Variants in POLA1 observed in about 807,000 individuals in gnomAD.
POLA1 encodes the protein DNA polymerase alpha catalytic subunit.
A neutral mutation model predicts 124.0 loss-of-function variants in POLA1; 15 were observed. The observed-to-expected ratio is 0.12, with a 90% CI of 0.08 to 0.19. The LOEUF (loss-of-function observed/expected upper bound fraction) is 0.19, where lower values mean the gene tolerates loss of function less well. POLA1 is among the 10% of genes least tolerant of loss of function. POLA1 has a pLI of 1.00. For missense variants in POLA1, 886 were observed against 1,103.4 expected (o/e 0.80, Z 2.79); for synonymous variants, 408 against 389.4 (o/e 1.05, Z -0.56).
intron 26 of POLA1, among the ~76,000 whole-genome samples, chrX:24,792,158 C>G (rs1017890383): frequency 1.8e-5 from 2 of 111,595 alleles, no homozygotes; most frequent in Non-Finnish European, 3.8e-5. Context: ...CAGAGTAAGA[C>G]TGTGGTCATT....
At chrX:24,884,818 A>G (rs889606478) in intron 34 of POLA1, among the ~76,000 whole-genome samples, 1 of 112,428 alleles carries the variant, frequency 8.9e-6, no homozygotes, top group African/African-American at 3.2e-5. Context: ...ACAAACCCAA[A>G]TAAGCACTGA....
At chrX:24,970,956 C>T (rs898508981) in intron 36 of POLA1, among the ~76,000 whole-genome samples, 8 of 112,465 alleles carry the variant, frequency 7.1e-5, no homozygotes, top group African/African-American at 2.3e-4. Context: ...CTAATTTGAG[C>T]TTCACACGCA....
chrX:24,709,175 G>A (rs1202864206), intron 4 of POLA1, among the ~76,000 whole-genome samples: 2 of 83,478 alleles, frequency 2.4e-5, no homozygotes, highest in South Asian at 6.1e-4. Context: ...CGGACGGGGC[G>A]GCTGGCCGGG....
At chrX:24,729,555 C>G (rs1930761901) in intron 15 of POLA1, among the ~76,000 whole-genome samples, 1 of 111,500 alleles carries the variant, frequency 9.0e-6, no homozygotes, top group South Asian at 3.7e-4. Flanking sequence ...TTTGGTTATG[C>G]CATAATGGTT....
intron 15 of POLA1, among the ~76,000 whole-genome samples, chrX:24,731,215 C>T (rs973387826): frequency 1.8e-5 from 2 of 111,724 alleles, no homozygotes; most frequent in African/African-American, 3.3e-5. Flanking sequence ...GACAGAAAAA[C>T]AAGTTAAGTG....
At chrX:24,965,027 G>A (rs780108312) in intron 36 of POLA1, among the ~76,000 whole-genome samples, 20 of 111,564 alleles carry the variant, frequency 1.8e-4, no homozygotes, top group Non-Finnish European at 2.8e-4. Context: ...GCAATTAAAC[G>A]AACCTAGTTA....
At chrX:24,942,286 C>T (rs756846886) in intron 36 of POLA1, among the ~76,000 whole-genome samples, 1 of 112,243 alleles carries the variant, frequency 8.9e-6, no homozygotes, top group South Asian at 3.8e-4. Flanking sequence ...AGTAGCAAAG[C>T]TTAGAAGTGT....
intron 21 of POLA1, 70 bp from the exon 22 acceptor site, chrX:24,741,932 A>T: frequency 2.1e-6 from 2 of 943,036 alleles, no homozygotes; most frequent in Non-Finnish European, 2.9e-6. Context: ...GACTAAACTT[A>T]CTGACTCAAA....
At chrX:24,892,946 A>G (rs1382408488) in intron 35 of POLA1, among the ~76,000 whole-genome samples, 1 of 112,235 alleles carries the variant, frequency 8.9e-6, no homozygotes, top group Non-Finnish European at 1.9e-5. Context: ...GCTAAAGTCT[A>G]TTATAACAGA....
intron 36 of POLA1, among the ~76,000 whole-genome samples, chrX:24,948,005 T>C (rs1360053426): frequency 8.9e-6 from 1 of 112,521 alleles, no homozygotes; most frequent in African/African-American, 3.2e-5. Context: ...CAAACCATTA[T>C]TACTCTTTGA....
At chrX:24,727,971 T>A (rs1427712897) in intron 15 of POLA1, 35 bp downstream of exon 15, 4 of 1,118,632 alleles carry the variant, frequency 3.6e-6, no homozygotes, top group Non-Finnish European at 4.9e-6. Context: ...TACCCATGCC[T>A]TAGATGTGTT....
At chrX:24,757,903 G>A (rs1360874129) in intron 26 of POLA1, among the ~76,000 whole-genome samples, 1 of 111,743 alleles carries the variant, frequency 8.9e-6, no homozygotes, top group Non-Finnish European at 1.9e-5. Context: ...TACTCAGCCT[G>A]TACTGTAGAA....
At chrX:24,990,625 A>G (rs1165988055) in intron 36 of POLA1, among the ~76,000 whole-genome samples, 2 of 112,816 alleles carry the variant, frequency 1.8e-5, no homozygotes, top group Non-Finnish European at 3.7e-5. Flanking sequence ...AAATGGAATG[A>G]ATTATCTCCA....
At chrX:24,704,140 C>T (rs1928647171) in intron 3 of POLA1, among the ~76,000 whole-genome samples, 1 of 111,537 alleles carries the variant, frequency 9.0e-6, no homozygotes, top group Non-Finnish European at 1.9e-5. Flanking sequence ...GACTTTGATC[C>T]TTTGGGCCAA....
intron 36 of POLA1, among the ~76,000 whole-genome samples, chrX:24,947,012 A>T (rs989645462): frequency 1.8e-5 from 2 of 111,043 alleles, no homozygotes; most frequent in Admixed American, 1.9e-4. Context: ...TTACTAATAG[A>T]GTTGGGCTGT....
chrX:24,831,139 T>G (rs2046254601), intron 32 of POLA1, among the ~76,000 whole-genome samples: 1 of 111,645 alleles, frequency 9.0e-6, no homozygotes, highest in Middle Eastern at 4.2e-3. Context: ...GAGGTTAGTT[T>G]TTGTCAGTAG....
At chrX:24,960,290 A>C (rs1157369843) in intron 36 of POLA1, among the ~76,000 whole-genome samples, 1 of 112,185 alleles carries the variant, frequency 8.9e-6, no homozygotes, top group African/African-American at 3.2e-5. Context: ...ATGCTAAATA[A>C]AAAGTTTTAT....
chrX:24,971,866 C>A (rs1295651490), intron 36 of POLA1, among the ~76,000 whole-genome samples: 1 of 110,838 alleles, frequency 9.0e-6, no homozygotes, highest in Non-Finnish European at 1.9e-5. Flanking sequence ...AATATGTGGA[C>A]CAAGATATTA....
intron 35 of POLA1, among the ~76,000 whole-genome samples, chrX:24,923,028 G>A (rs1436272132): frequency 9.0e-6 from 1 of 111,206 alleles, no homozygotes; most frequent in Non-Finnish European, 1.9e-5. Flanking sequence ...ACCTTTTGTA[G>A]GGAGGACAGT....
Sources: allele counts gnomAD v4.1 joint callset (sites outside exome capture counted in the v4.1 genomes callset), GRCh38; gene constraint gnomAD v4.1.1; transcripts MANE v1.5; gene names NCBI Gene and HGNC (gene_info 2026-07-23, HGNC 2026-07-21).